EPS8: variants seen among roughly 807,000 people sequenced by gnomAD.
EPS8 encodes epidermal growth factor receptor kinase substrate 8.
EPS8 carries 42 observed loss-of-function variants against 103.8 expected under a neutral mutation model. That is an observed-to-expected ratio of 0.40 (90% CI 0.32 to 0.52). The LOEUF is 0.52. Among genes scored for constraint, EPS8 ranks in the 20% least tolerant of loss-of-function variants. The pLI, the probability that EPS8 is intolerant of heterozygous loss-of-function variation, is 0.40. For missense variants in EPS8, 969 were observed against 1,005.1 expected, an observed-to-expected ratio of 0.96 and a Z score of 0.49; for synonymous variants, 344 against 344.6, an observed-to-expected ratio of 1.00 and a Z score of 0.02.
At chr12:15,653,157 T>C (rs1159568239) in intron 13 of EPS8, among the ~76,000 whole-genome samples, 1 of 152,196 alleles carries the variant, frequency 6.6e-6, no homozygotes, top group Non-Finnish European at 1.5e-5. Flanking sequence ...TCTCTAGTCC[T>C]GAAGAAAATT....
rs1266894913 is a variant in EPS8, at chr12:15,759,115, TTA to T, written c.-22+30044_-22+30045del. ...TATAAACCATATTATCAAAATTAGC[TTA>T]TGTGTTAATATTTCATAATATGGTA... On this transcript the variant is annotated intron_variant, in intron 1 of 20. Transcript: ENST00000281172. The surrounding 1 kb of genome is among the most constrained non-coding windows in gnomAD (Gnocchi z 4.9). 1.3e-5 allele frequency among the ~76,000 whole-genome samples: 2 copies of T among 152,132 alleles called. No homozygotes were observed. Among genetic ancestry groups the T allele is most frequent in the Non-Finnish European group, 2.9e-5 (2 of 67,986 alleles).
At chr12:15,770,235 G>A (rs1250216199) in intron 1 of EPS8, among the ~76,000 whole-genome samples, 2 of 133,930 alleles carry the variant, frequency 1.5e-5, no homozygotes, top group Admixed American at 8.6e-5. Flanking sequence ...GCTGCAGTGA[G>A]CTATGATCAC....
chr12:15,663,398 T>G (rs943875833), intron 8 of EPS8, among the ~76,000 whole-genome samples: 3 of 152,136 alleles, frequency 2.0e-5, no homozygotes, highest in Admixed American at 2.0e-4. Flanking sequence ...CTGAGTCAGC[T>G]GGAGCATCCA....
chr12:15,682,188 G>C (rs975916940), intron 2 of EPS8, among the ~76,000 whole-genome samples: 1 of 152,198 alleles, frequency 6.6e-6, no homozygotes. Flanking sequence ...GTGGAAAGAT[G>C]CAGTTAATGT....
At chr12:15,770,462 TCTCA>T (rs1340132742) in intron 1 of EPS8, among the ~76,000 whole-genome samples, 18 of 152,068 alleles carry the variant, frequency 1.2e-4, no homozygotes, top group Admixed American at 1.3e-4. Context: ...ATCAAAAAGC[TCTCA>T]CTGTCTTACT....
Position 15,693,298 on chromosome 12 carries a change from T to C in EPS8, c.-21-10326A>G, listed in dbSNP as rs1399801454. Among the ~76,000 whole-genome samples, 1 of 152,220 alleles carries C rather than the reference T, an allele frequency of 6.6e-6. No homozygotes were observed. Among genetic ancestry groups the C allele is most frequent in the Non-Finnish European group, 1.5e-5 (1 of 68,038 alleles). Reference sequence around the variant, plus strand: ...AGTCAGCCAGGGTTGTCTTACTGTTTACTAAGCATTTCATTTCATCTTTCA... The same window carrying C: ...AGTCAGCCAGGGTTGTCTTACTGTTCACTAAGCATTTCATTTCATCTTTCA... On this transcript the variant is annotated intron_variant, in intron 1 of 20. Coordinates refer to ENST00000281172, the MANE Select transcript of EPS8 (RefSeq NM_004447.6). This position sits in a 1 kb window ranked among gnomAD's most constrained non-coding sequence, Gnocchi z 5.6.
At position 15,697,399 on chromosome 12, in the gene EPS8, A is replaced by G. The variant is rs1565505537; in HGVS notation, c.-21-14427T>C. 6.6e-6 allele frequency among the ~76,000 whole-genome samples: 1 copy of G among 152,262 alleles called. No homozygotes were observed. The highest frequency in any genetic ancestry group is 2.4e-5 in the African/African-American group (1 of 41,478). On this transcript the variant is annotated intron_variant, in intron 1 of 20. Transcript: ENST00000281172. The surrounding 1 kb of genome is among the most constrained non-coding windows in gnomAD (Gnocchi z 5.6). Reference sequence around the variant, plus strand: ...GAAGAGGAAGAGGCAGAACAGCAGCAGCAGCGGCAATGGCTCACATCTAGA... The same window carrying G: ...GAAGAGGAAGAGGCAGAACAGCAGCGGCAGCGGCAATGGCTCACATCTAGA...
At chr12:15,632,597 T>C (rs148095787) in intron 17 of EPS8, among the ~76,000 whole-genome samples, 254 of 152,326 alleles carry the variant, frequency 1.7e-3, no homozygotes, top group Non-Finnish European at 3.0e-3. Flanking sequence ...ATTTTAATTA[T>C]TCTAATTTAG....
Position 15,728,577 on chromosome 12 carries a change from C to T in EPS8, c.-21-45605G>A, listed in dbSNP as rs1368624633. ...GAGTCAGGCATTGCTCCTAATACCA[C>T]CATATTTATGTGAGGATAGCATATA... On this transcript the variant is annotated intron_variant, in intron 1 of 20. Coordinates refer to ENST00000281172, the MANE Select transcript of EPS8 (RefSeq NM_004447.6). This position sits in a 1 kb window ranked among gnomAD's most constrained non-coding sequence, Gnocchi z 4.5. Among the ~76,000 whole-genome samples the T allele has an allele frequency of 6.6e-6, 1 of 152,146 alleles. No individual in the cohort carries two copies. The highest frequency in any genetic ancestry group is 1.5e-5 in the Non-Finnish European group (1 of 68,036).
At chr12:15,709,251 A>G (rs1946429375) in intron 1 of EPS8, among the ~76,000 whole-genome samples, 1 of 152,352 alleles carries the variant, frequency 6.6e-6, no homozygotes, top group South Asian at 2.1e-4. Context: ...TTAGAAAGGA[A>G]GTAAAATATA....
intron 1 of EPS8, among the ~76,000 whole-genome samples, chr12:15,732,497 C>A (rs11056607): frequency 0.012 from 1,862 of 152,252 alleles, 30 homozygotes; most frequent in African/African-American, 0.037. Context: ...ACAACTATAA[C>A]ATTTAAGGCT....
chr12:15,658,183 T>C (rs1262138161), intron 11 of EPS8, 30 bp from the exon 12 acceptor site: 2 of 1,492,914 alleles, frequency 1.3e-6, no homozygotes, highest in Non-Finnish European at 1.9e-6. Context: ...GAAAACAGAT[T>C]ACTATCAAGC....
chr12:15,632,565 G>A, intron 17 of EPS8, among the ~76,000 whole-genome samples: 1 of 152,166 alleles, frequency 6.6e-6, no homozygotes. Flanking sequence ...TTAAGGCAAA[G>A]TTTAGATACT....
In EPS8 at chr12:15,778,313, T is replaced by G. The variant is rs1947227620; in HGVS notation, c.-22+10848A>C. ...TCCCACACCTTTGCATGCATGAGTA[T>G]CATGTGAATAATGCTACAAGTATTG... On this transcript the variant is annotated intron_variant, in intron 1 of 20. Coordinates refer to ENST00000281172, the MANE Select transcript of EPS8 (RefSeq NM_004447.6). The surrounding 1 kb of genome is among the most constrained non-coding windows in gnomAD (Gnocchi z 4.5). 6.6e-6 allele frequency among the ~76,000 whole-genome samples: 1 copy of G among 152,188 alleles called. No homozygotes were observed. Among genetic ancestry groups the G allele is most frequent in the Non-Finnish European group, 1.5e-5 (1 of 68,030 alleles).
chr12:15,653,647 A>C (rs1945454321), intron 13 of EPS8, among the ~76,000 whole-genome samples: 1 of 152,234 alleles, frequency 6.6e-6, no homozygotes, highest in African/African-American at 2.4e-5. Flanking sequence ...CTCCAGAGCT[A>C]CATGGCACGA....
rs138684518 is a variant in EPS8 at position 15,695,548 on chromosome 12, T to A, written c.-21-12576A>T. 7.6e-4 allele frequency among the ~76,000 whole-genome samples: 116 copies of A among 152,344 alleles called. 1 individual carries two copies. Among genetic ancestry groups the A allele is most frequent in the African/African-American group, 2.6e-3 (110 of 41,580 alleles). ...ACATATAAATTAGTTTACATTTAAA[T>A]GTTAATAACCACATATAGACTAACA... On this transcript the variant is annotated intron_variant, in intron 1 of 20. Coordinates refer to ENST00000281172, the MANE Select transcript of EPS8 (RefSeq NM_004447.6). The surrounding 1 kb of genome is among the most constrained non-coding windows in gnomAD (Gnocchi z 5.0).
chr12:15,650,980 AT>A lies in EPS8; in HGVS notation c.1276del (p.Ile426PhefsTer17). On this transcript the variant is annotated frameshift_variant, in exon 14 of 21. Transcript: ENST00000281172. LOFTEE classifies it high-confidence loss of function. ...GCGGAATCGTGGAACATATGGTGGAATAAACTGTTCTTTTGGCCACTCTGCT... is the reference window on the plus strand; with the variant it reads ...GCGGAATCGTGGAACATATGGTGGAAAAACTGTTCTTTTGGCCACTCTGCT... ...ARAEWPKEQFIPPYVPRFRNG... is the reference protein window; with the variant it reads ...ARAEWPKEQFXPPYVPRFRNG... 1 of 1,614,006 alleles carries A rather than the reference AT, an allele frequency of 6.2e-7. No individual in the cohort carries two copies.
Position 15,704,645 on chromosome 12 carries a change from A to C in EPS8, c.-21-21673T>G, listed in dbSNP as rs1473519977. 6.6e-6 allele frequency among the ~76,000 whole-genome samples: 1 copy of C among 152,202 alleles called. No homozygotes were observed. Among genetic ancestry groups the C allele is most frequent in the Non-Finnish European group, 1.5e-5 (1 of 68,028 alleles). ...TCAGGAAGATGAAAAACTCCTAGAG[A>C]TGGATGGTCATGATGGCTGCACAAC... is the stretch of plus-strand genomic sequence containing the variant. On this transcript the variant is annotated intron_variant, in intron 1 of 20. Coordinates refer to ENST00000281172, the MANE Select transcript of EPS8 (RefSeq NM_004447.6). The surrounding 1 kb of genome is among the most constrained non-coding windows in gnomAD (Gnocchi z 4.6).
chr12:15,676,259 CAAAAAAAAAAAAA>C (rs888576581), intron 3 of EPS8, among the ~76,000 whole-genome samples: 27 of 16,320 alleles, frequency 1.7e-3, no homozygotes, highest in Non-Finnish European at 2.4e-3. Flanking sequence ...GACTCCATCT[CAAAAAAAAAAAAA>C]AAAAAAAAAA....
Sources: gnomAD v4.1 joint callset for allele counts (sites outside exome capture counted in the v4.1 genomes callset) on GRCh38, gnomAD v4.1.1 for gene constraint, Gnocchi (gnomAD v3.1) non-coding constraint, MANE v1.5 for transcripts, NCBI Gene and HGNC (gene_info 2026-07-23, HGNC 2026-07-21) for gene names.